The following PI4KB variants were observed in gnomAD, a reference collection of about 807,000 sequenced individuals.
PI4KB encodes PtdIns 4-kinase beta.
PI4KB carries 23 observed loss-of-function variants against 81.4 expected under a neutral mutation model. The ratio of observed to expected loss-of-function variants is 0.28; its 90% confidence interval spans 0.20 to 0.40. PI4KB has a LOEUF of 0.40. Among genes scored for constraint, PI4KB ranks in the 10% least tolerant of loss-of-function variants. The pLI is 1.00. For missense variants in PI4KB, 651 were observed against 1,036.6 expected (o/e 0.63, Z 5.11); for synonymous variants, 381 against 406.8 (o/e 0.94, Z 0.76).
intron 8 of PI4KB, among the ~76,000 whole-genome samples, chr1:151,301,467 C>T (rs1442903552): frequency 5.3e-5 from 8 of 152,024 alleles, no homozygotes; most frequent in East Asian, 1.9e-4. Context: ...GTGCAATCTC[C>T]GCTCACTGCA....
chr1:151,298,913 T>C lies in PI4KB; in HGVS notation c.1910A>G (p.Glu637Gly). 1 of 1,614,178 alleles carries C rather than the reference T, an allele frequency of 6.2e-7. No individual in the cohort carries two copies. ...TGCCTCAGTGGTGTAACTGCCGTGC[T>C]CCTGTAGGAAGTAATCGAGCAAGGA... is the stretch of plus-strand genomic sequence containing the variant. ...QLSLLDYFLQ[E>G]HGSYTTEAFL... is the part of the protein sequence containing the mutation. The change falls in exon 9 of 12, where the codon GAG becomes GGG. Residue 637 changes from glutamate (E) to glycine (G), a missense_variant. Physicochemically the swap from Glu to Gly is moderately conservative, Grantham distance 98. Coordinates refer to ENST00000368873, the MANE Select transcript of PI4KB (RefSeq NM_001369623.2).
intron 9 of PI4KB, 146 bp from the exon 10 acceptor site, chr1:151,294,687 C>A (rs1265341237): frequency 6.1e-6 from 4 of 661,052 alleles, no homozygotes; most frequent in Non-Finnish European, 1.1e-5. Context: ...AATCTCCTGT[C>A]CAGTTTCCTA....
chr1:151,326,291 C>T (rs1649600693), intron 1 of PI4KB: 1 of 1,088,214 alleles, frequency 9.2e-7, no homozygotes, highest in Non-Finnish European at 1.4e-6. Flanking sequence ...CAGAAACACC[C>T]TTCTGTCCTG....
chr1:151,318,001 T>C (rs1029345644), intron 1 of PI4KB, among the ~76,000 whole-genome samples: 1 of 151,910 alleles, frequency 6.6e-6, no homozygotes, highest in African/African-American at 2.4e-5. Context: ...TTTGTGCAGA[T>C]GGCGTCTTGC....
intron 3 of PI4KB, 70 bp downstream of exon 3, chr1:151,310,124 GCCTGGGGGCTCAGAAGA>G: frequency 2.1e-6 from 2 of 934,090 alleles, no homozygotes; most frequent in South Asian, 2.8e-5. Flanking sequence ...TCCAGCCTTG[GCCTGGGGGCTCAGAAGA>G]CCTGGGGACG....
At position 151,315,590 on chromosome 1, in the gene PI4KB, C is replaced by CTTT; in HGVS notation, c.889_891dup (p.Lys297dup). On this transcript the variant is annotated inframe_insertion, in exon 2 of 12. Transcript: ENST00000368873. ...AATTTTACCTCATCCTCATTCTCCACTTTAGGGTTGCTGGCTGTTCGTTTC... is the reference window on the plus strand; with the variant it reads ...AATTTTACCTCATCCTCATTCTCCACTTTTTTAGGGTTGCTGGCTGTTCGTTTC... 6.2e-7 allele frequency: 1 copy of CTTT among 1,613,850 alleles called. No homozygotes were observed. Among genetic ancestry groups the CTTT allele is most frequent in the Non-Finnish European group, 8.5e-7 (1 of 1,179,868 alleles).
intron 8 of PI4KB, among the ~76,000 whole-genome samples, chr1:151,299,845 T>G (rs1465423560): frequency 6.6e-6 from 1 of 152,166 alleles, no homozygotes; most frequent in African/African-American, 2.4e-5. Flanking sequence ...CAGCACACTA[T>G]AACCTACCTG....
chr1:151,307,821 G>A lies in PI4KB; in HGVS notation c.955-20C>T. On this transcript the variant is annotated intron_variant, in intron 3 of 11. Coordinates refer to ENST00000368873, the MANE Select transcript of PI4KB (RefSeq NM_001369623.2). ...AACAGGCTACAGGGGTTTGGGGTAA[G>A]ACAAAAGATGGTGAAGAAACCATAG... 6.4e-7 allele frequency: 1 copy of A among 1,561,818 alleles called. No homozygotes were observed. Among genetic ancestry groups the A allele is most frequent in the Non-Finnish European group, 8.8e-7 (1 of 1,132,350 alleles).
intron 5 of PI4KB, among the ~76,000 whole-genome samples, chr1:151,305,703 G>C (rs1287910579): frequency 4.6e-5 from 7 of 152,154 alleles, no homozygotes; most frequent in South Asian, 2.1e-4. Flanking sequence ...TTTCCAGTTA[G>C]GTCATAAATC....
rs368483895 is a variant in PI4KB, at chr1:151,315,990, G to C, written c.492C>G (p.Leu164=). The C allele has an allele frequency of 3.7e-6, 6 of 1,613,156 alleles. No individual in the cohort carries two copies. The highest frequency in any genetic ancestry group is 2.7e-5 in the African/African-American group (2 of 74,920). Reference sequence around the variant, plus strand: ...CCACGTCCTCGTTGCGAAAGCAGAAGAGCCGGTTGCCAATGTAGGCTTGTA... The same window carrying C: ...CCACGTCCTCGTTGCGAAAGCAGAACAGCCGGTTGCCAATGTAGGCTTGTA... ...PGVQAYIGNR[L]FCFRNEDVDF... The change falls in exon 2 of 12, where the codon CTC becomes CTG. Residue 164 remains leucine, a synonymous_variant. Transcript: ENST00000368873.
chr1:151,318,745 T>G (rs1172667129), intron 1 of PI4KB, among the ~76,000 whole-genome samples: 1 of 129,644 alleles, frequency 7.7e-6, no homozygotes, highest in Non-Finnish European at 1.7e-5. Flanking sequence ...TAAATAAAAT[T>G]AAAGTCTTGA....
intron 2 of PI4KB, among the ~76,000 whole-genome samples, chr1:151,313,666 C>G (rs955535875): frequency 1.3e-5 from 2 of 152,196 alleles, no homozygotes; most frequent in African/African-American, 4.8e-5. Flanking sequence ...TCTTCATGAC[C>G]CAGGGCTCTG....
Position 151,316,405 on chromosome 1 carries a change from C to G in PI4KB, c.77G>C (p.Gly26Ala). The G allele has an allele frequency of 6.3e-7, 1 of 1,594,046 alleles. No individual in the cohort carries two copies. Among genetic ancestry groups the G allele is most frequent in the Non-Finnish European group, 8.5e-7 (1 of 1,169,790 alleles). Reference sequence around the variant, plus strand: ...CGTGATGACACTTAGCAGGGACCCCCCATTATTCCCTGGTGGGCCAGAAGT... The same window carrying G: ...CGTGATGACACTTAGCAGGGACCCCGCATTATTCCCTGGTGGGCCAGAAGT... The part of the protein sequence containing the change: ...EPTSGPPGNN[G>A]GSLLSVITEG... Residue 26 changes from glycine (G) to alanine (A), a missense_variant, in exon 2 of 12, where the codon GGG (glycine) becomes GCG (alanine). Gly to Ala is a moderately conservative substitution (Grantham distance 60, BLOSUM62 0). Coordinates refer to ENST00000368873, the MANE Select transcript of PI4KB (RefSeq NM_001369623.2).
Position 151,302,309 on chromosome 1 carries a change from G to A in PI4KB, c.1521-11C>T. On this transcript the variant is annotated splice_polypyrimidine_tract_variant and intron_variant, in intron 6 of 11. Transcript: ENST00000368873. ...TCCGAAAGGCGCCGGCTGGCAGGAAGAAAATACATCATTTGCTTGGAGAAG... is the reference window on the plus strand; with the variant it reads ...TCCGAAAGGCGCCGGCTGGCAGGAAAAAAATACATCATTTGCTTGGAGAAG... 1 of 1,601,566 alleles carries A rather than the reference G, an allele frequency of 6.2e-7. No homozygotes were observed. The highest frequency in any genetic ancestry group is 8.6e-7 in the Non-Finnish European group (1 of 1,168,664).
In PI4KB at chr1:151,306,127, C is replaced by T. The variant is rs918849403; in HGVS notation, c.1410+9G>A. On this transcript the variant is annotated intron_variant, in intron 5 of 11. Transcript: ENST00000368873. ...GTGACCCAGCATTACCTCCCTGAAG[C>T]CCTCTCACCTCCACTTGCAGCTCGC... 1.6e-5 allele frequency: 25 copies of T among 1,606,054 alleles called. 1 individual carries two copies. The Admixed American group carries it at 3.8e-4, about 25-fold the overall frequency.
At position 151,294,472 on chromosome 1, in the gene PI4KB, G is replaced by A; in HGVS notation, c.2085C>T (p.Ser695=). The change falls in exon 10 of 12, where the codon TCC becomes TCT. Residue 695 remains serine (S), a synonymous_variant. Transcript: ENST00000368873. Reference sequence around the variant, plus strand: ...CAAAGCCCAGATTTCGGGGTGAGCTGGAGAGGATGAAGCCAAAGTCGATGT... The same window carrying A: ...CAAAGCCCAGATTTCGGGGTGAGCTAGAGAGGATGAAGCCAAAGTCGATGT... ...IIHIDFGFIL[S]SSPRNLGFET... The A allele has an allele frequency of 6.2e-7, 1 of 1,614,038 alleles. No homozygotes were observed.
At chr1:151,309,609 G>A (rs1696045051) in intron 3 of PI4KB, among the ~76,000 whole-genome samples, 2 of 152,186 alleles carry the variant, frequency 1.3e-5, no homozygotes, top group South Asian at 4.1e-4. Context: ...AGAAAGGAGA[G>A]GGGATTAAGG....
intron 2 of PI4KB, among the ~76,000 whole-genome samples, chr1:151,313,301 G>A (rs1192246455): frequency 6.6e-6 from 1 of 152,090 alleles, no homozygotes; most frequent in Non-Finnish European, 1.5e-5. Flanking sequence ...CCAAGATAAG[G>A]AGTCAGGTTG....
chr1:151,321,948 G>A (rs1648908032), intron 1 of PI4KB, among the ~76,000 whole-genome samples: 1 of 150,992 alleles, frequency 6.6e-6, no homozygotes, highest in African/African-American at 2.4e-5. Flanking sequence ...CAAAAGAAAA[G>A]GTGAAGGAAA....
Sources: gnomAD v4.1 joint callset for allele counts (sites outside exome capture counted in the v4.1 genomes callset) on GRCh38, gnomAD v4.1.1 for gene constraint, MANE v1.5 for transcripts, NCBI Gene and HGNC (gene_info 2026-07-23, HGNC 2026-07-21) for gene names.